CADPS2: variants seen among roughly 807,000 people sequenced by gnomAD.
CADPS2 encodes calcium dependent secretion activator 2.
In CADPS2, 93 loss-of-function variants were observed where a neutral mutation model predicts 172.5. That is an observed-to-expected ratio of 0.54 (90% CI 0.46 to 0.64). CADPS2 has a LOEUF of 0.64. Ranked by LOEUF, CADPS2 falls within the 30% of genes least tolerant of loss-of-function variation. The pLI, the probability that CADPS2 is intolerant of heterozygous loss-of-function variation, is 0.00. For synonymous variants in CADPS2, 546 were observed against 555.2 expected, an observed-to-expected ratio of 0.98 and a Z score of 0.23; for missense variants, 1,420 against 1,565.9, an observed-to-expected ratio of 0.91 and a Z score of 1.57.
intron 8 of CADPS2, among the ~76,000 whole-genome samples, chr7:122,535,986 C>A (rs2131440073): frequency 6.6e-6 from 1 of 152,176 alleles, no homozygotes; most frequent in South Asian, 2.1e-4. Flanking sequence ...GTGAGGCAGT[C>A]CTAAACTATC....
At chr7:122,745,019 C>A (rs542460543) in intron 1 of CADPS2, among the ~76,000 whole-genome samples, 94 of 150,054 alleles carry the variant, frequency 6.3e-4, no homozygotes, top group Non-Finnish European at 1.2e-3. Context: ...AAAACGTAAA[C>A]ATTTAAGGTA....
chr7:122,816,974 G>A (rs865987925), intron 1 of CADPS2, among the ~76,000 whole-genome samples: 3 of 149,626 alleles, frequency 2.0e-5, no homozygotes, highest in Non-Finnish European at 3.0e-5. Context: ...TGAACACCTT[G>A]CGACCCCCAC....
chr7:122,728,835 T>C (rs2091360114), intron 2 of CADPS2, among the ~76,000 whole-genome samples: 1 of 151,978 alleles, frequency 6.6e-6, no homozygotes, highest in Non-Finnish European at 1.5e-5. Flanking sequence ...TTCTTACATT[T>C]GTAATGATCA....
At chr7:122,519,509 T>G (rs1430810043) in intron 8 of CADPS2, among the ~76,000 whole-genome samples, 1 of 152,112 alleles carries the variant, frequency 6.6e-6, no homozygotes, top group Non-Finnish European at 1.5e-5. Flanking sequence ...CTTGAAGCAT[T>G]TAGTTCTATC....
intron 28 of CADPS2, among the ~76,000 whole-genome samples, chr7:122,338,288 T>G (rs1004371748): frequency 6.6e-5 from 10 of 152,200 alleles, no homozygotes; most frequent in African/African-American, 2.2e-4. Flanking sequence ...TCCCAGCTAC[T>G]TGGGAGGCTG....
intron 16 of CADPS2, among the ~76,000 whole-genome samples, chr7:122,441,213 T>C (rs546409634): frequency 6.6e-6 from 1 of 152,114 alleles, no homozygotes; most frequent in Non-Finnish European, 1.5e-5. Context: ...AAAACAATTA[T>C]TCTTAACTGA....
intron 6 of CADPS2, among the ~76,000 whole-genome samples, chr7:122,602,777 T>A (rs1401239171): frequency 6.6e-6 from 1 of 152,092 alleles, no homozygotes; most frequent in African/African-American, 2.4e-5. Context: ...AGGAACTCTT[T>A]CAGATTTCCC....
chr7:122,579,447 T>A (rs1274434032), intron 7 of CADPS2, among the ~76,000 whole-genome samples: 1 of 85,678 alleles, frequency 1.2e-5, no homozygotes, highest in Non-Finnish European at 2.2e-5. Context: ...TAAAATTGCA[T>A]CGAATATATA....
At chr7:122,551,482 G>C (rs1372950256) in intron 8 of CADPS2, among the ~76,000 whole-genome samples, 1 of 151,972 alleles carries the variant, frequency 6.6e-6, no homozygotes, top group Non-Finnish European at 1.5e-5. Context: ...AGGGGCCATA[G>C]ATAAGTGATA....
At chr7:122,368,761 C>A (rs532086760) in intron 25 of CADPS2, among the ~76,000 whole-genome samples, 1 of 152,142 alleles carries the variant, frequency 6.6e-6, no homozygotes, top group African/African-American at 2.4e-5. Context: ...TCCAGCATTC[C>A]GTGCGCCATG....
chr7:122,864,486 CA>C (rs1016591969), intron 1 of CADPS2, among the ~76,000 whole-genome samples: 4 of 151,710 alleles, frequency 2.6e-5, no homozygotes, highest in Admixed American at 6.6e-5. Flanking sequence ...TCTCAAAAAA[CA>C]AAAAAACAAA....
At chr7:122,809,102 C>T (rs1199933641) in intron 1 of CADPS2, among the ~76,000 whole-genome samples, 1 of 152,096 alleles carries the variant, frequency 6.6e-6, no homozygotes, top group Non-Finnish European at 1.5e-5. Flanking sequence ...ATATCTGCTT[C>T]ATGTGGTTTT....
chr7:122,480,242 A>G (rs1563459152), intron 12 of CADPS2: 2 of 358,400 alleles, frequency 5.6e-6, no homozygotes, highest in African/African-American at 4.3e-5. Flanking sequence ...CTATAAATAC[A>G]TATTAGTAAT....
rs186479038 is a variant in CADPS2, at chr7:122,764,422, T to G, written c.340-27354A>C. ...GATTTGTTCATTAATTTGAAAAATA[T>G]TTAGTTCCTACAATGTGCCAAGCGT... On this transcript the variant is annotated intron_variant, in intron 1 of 29. Transcript: ENST00000449022. Among the ~76,000 whole-genome samples the G allele has an allele frequency of 1.8e-4, 28 of 152,294 alleles. 1 individual carries two copies.
intron 2 of CADPS2, among the ~76,000 whole-genome samples, chr7:122,732,258 G>A (rs2091718292): frequency 6.6e-6 from 1 of 151,268 alleles, no homozygotes; most frequent in Non-Finnish European, 1.5e-5. Flanking sequence ...ATATATCTCG[G>A]GTTTCATACC....
At chr7:122,362,991 C>T (rs995508896) in intron 25 of CADPS2, among the ~76,000 whole-genome samples, 6 of 152,128 alleles carry the variant, frequency 3.9e-5, no homozygotes, top group African/African-American at 1.4e-4. Context: ...ATGAGAATAA[C>T]GTATGCTTGG....
intron 15 of CADPS2, among the ~76,000 whole-genome samples, chr7:122,443,782 C>G (rs1034423339): frequency 6.8e-6 from 1 of 146,524 alleles, no homozygotes. Context: ...ACTTTATATC[C>G]TTCAATTGTA....
chr7:122,354,792 C>G (rs2039159494), intron 27 of CADPS2, among the ~76,000 whole-genome samples: 1 of 152,092 alleles, frequency 6.6e-6, no homozygotes, highest in Non-Finnish European at 1.5e-5. Flanking sequence ...TGTCTGTTGT[C>G]TTTGCCACCA....
chr7:122,778,784 A>T (rs894518614), intron 1 of CADPS2, among the ~76,000 whole-genome samples: 1 of 152,232 alleles, frequency 6.6e-6, no homozygotes, highest in Non-Finnish European at 1.5e-5. Flanking sequence ...TGCTGAAATG[A>T]GTTAAGACTC....
Sources: gnomAD v4.1 joint callset for allele counts (sites outside exome capture counted in the v4.1 genomes callset) on GRCh38, gnomAD v4.1.1 for gene constraint, MANE v1.5 for transcripts, NCBI Gene and HGNC (gene_info 2026-07-23, HGNC 2026-07-21) for gene names.